Variants in EPS8 observed in about 807,000 individuals in gnomAD.
The protein encoded by EPS8 is EGFR pathway substrate 8, signaling adaptor.
Under a neutral mutation model 103.8 loss-of-function variants are expected in EPS8, and 42 were observed. That is an observed-to-expected ratio of 0.40 (90% CI 0.32 to 0.52). The LOEUF (loss-of-function observed/expected upper bound fraction) is 0.52. EPS8 is among the 20% of genes least tolerant of loss of function. The pLI, the probability that EPS8 is intolerant of heterozygous loss-of-function variation, is 0.40. For missense variants in EPS8, 969 were observed against 1,005.1 expected, an observed-to-expected ratio of 0.96 and a Z score of 0.49; for synonymous variants, 344 against 344.6, an observed-to-expected ratio of 1.00 and a Z score of 0.02.
chr12:15,624,500 T>C (rs1944913159), intron 18 of EPS8, 93 bp from the exon 19 acceptor site: 2 of 912,516 alleles, frequency 2.2e-6, no homozygotes, highest in African/African-American at 3.4e-5. Flanking sequence ...TTGACCCCAG[T>C]AGGACCTACA....
rs62928661 is a variant in EPS8, at chr12:15,698,557, TAAA to T, written c.-21-15588_-21-15586del. Among the ~76,000 whole-genome samples, 2 of 147,602 alleles carry T rather than the reference TAAA, an allele frequency of 1.4e-5. No homozygotes were observed. The highest frequency in any genetic ancestry group is 1.5e-5 in the Non-Finnish European group (1 of 66,868). On this transcript the variant is annotated intron_variant, in intron 1 of 20. Coordinates refer to ENST00000281172, the MANE Select transcript of EPS8 (RefSeq NM_004447.6). This position sits in a 1 kb window ranked among gnomAD's most constrained non-coding sequence, Gnocchi z 4.9. ...TGGAAAAATAAATCTTCATCCTCTT[TAAA>T]AAAAAAAAAAAAATTTAGCTGCTAA...
chr12:15,656,275 T>A (rs1036743952), intron 12 of EPS8, among the ~76,000 whole-genome samples: 1 of 152,216 alleles, frequency 6.6e-6, no homozygotes, highest in Non-Finnish European at 1.5e-5. Context: ...TGAACTAGTA[T>A]CAGTTTCTTT....
At chr12:15,783,370 A>G (rs1185987283) in intron 1 of EPS8, among the ~76,000 whole-genome samples, 1 of 152,230 alleles carries the variant, frequency 6.6e-6, no homozygotes, top group Admixed American at 6.5e-5. Context: ...AAGGGTTACT[A>G]GTTAAGTTTT....
chr12:15,673,795 A>T (rs978246856), intron 3 of EPS8, among the ~76,000 whole-genome samples: 3 of 152,182 alleles, frequency 2.0e-5, no homozygotes, highest in African/African-American at 7.2e-5. Flanking sequence ...CAAGCTGCTC[A>T]ACTCCTAACA....
chr12:15,641,532 T>C (rs1945229642), intron 16 of EPS8, among the ~76,000 whole-genome samples, 190 bp downstream of exon 16: 1 of 151,712 alleles, frequency 6.6e-6, no homozygotes, highest in Admixed American at 6.6e-5. Flanking sequence ...AAAAAACAAA[T>C]AAAGGAGTAT....
intron 12 of EPS8, 93 bp downstream of exon 12, chr12:15,657,984 GGT>G (rs1420054431): frequency 4.1e-6 from 3 of 738,152 alleles, no homozygotes; most frequent in African/African-American, 1.8e-5. Context: ...ACCCACGCAA[GGT>G]AATGAAGAAA....
intron 1 of EPS8, among the ~76,000 whole-genome samples, chr12:15,685,434 T>C (rs570798311): frequency 6.6e-6 from 1 of 152,222 alleles, no homozygotes; most frequent in South Asian, 2.1e-4. Context: ...GGGTTTGTGC[T>C]GATTTTGATC....
At position 15,728,185 on chromosome 12, in the gene EPS8, T is replaced by C. The variant is rs565986924; in HGVS notation, c.-21-45213A>G. ...CCAAAAGCGTAGTCGACTGGTATTA[T>C]AGAAAGAAAACACAAGTGACCTAAT... is the stretch of plus-strand genomic sequence containing the variant. On this transcript the variant is annotated intron_variant, in intron 1 of 20. Coordinates refer to ENST00000281172, the MANE Select transcript of EPS8 (RefSeq NM_004447.6). The surrounding 1 kb of genome is among the most constrained non-coding windows in gnomAD (Gnocchi z 4.5). 1.3e-5 allele frequency: 2 copies of C among 152,336 alleles called. No homozygotes were observed. Among genetic ancestry groups the C allele is most frequent in the Non-Finnish European group, 2.9e-5 (2 of 68,034 alleles). The allele number at this position is 152,336 out of a possible 1,614,324, so 9.4% of individuals were successfully genotyped here.
At chr12:15,635,846 C>T (rs1055451412) in intron 17 of EPS8, among the ~76,000 whole-genome samples, 1 of 152,000 alleles carries the variant, frequency 6.6e-6, no homozygotes, top group Non-Finnish European at 1.5e-5. Flanking sequence ...GTATCTCTTG[C>T]TAGACAATAA....
intron 19 of EPS8, among the ~76,000 whole-genome samples, chr12:15,623,897 C>T (rs1944900985): frequency 6.6e-6 from 1 of 152,142 alleles, no homozygotes. Context: ...GGAAGTTCAG[C>T]TAAGACCATG....
chr12:15,625,857 T>A (rs898351455), intron 18 of EPS8, among the ~76,000 whole-genome samples: 3 of 152,204 alleles, frequency 2.0e-5, no homozygotes, highest in African/African-American at 7.2e-5. Context: ...CTTAGGTTCA[T>A]GGCCATTTAA....
rs1321936426 is a variant in EPS8, at chr12:15,731,935, T to A, written c.-21-48963A>T. Among the ~76,000 whole-genome samples, 1 of 152,134 alleles carries A rather than the reference T, an allele frequency of 6.6e-6. No individual in the cohort carries two copies. The highest frequency in any genetic ancestry group is 1.5e-5 in the Non-Finnish European group (1 of 68,020). On this transcript the variant is annotated intron_variant, in intron 1 of 20. Coordinates refer to ENST00000281172, the MANE Select transcript of EPS8 (RefSeq NM_004447.6). This position sits in a 1 kb window ranked among gnomAD's most constrained non-coding sequence, Gnocchi z 5.1. ...TGTTCCTTAAAATCTGATTTCAGGA[T>A]GGAATTTTTTCATTTTATCCATAAA...
intron 1 of EPS8, among the ~76,000 whole-genome samples, chr12:15,774,448 A>T (rs553849337): frequency 1.3e-5 from 2 of 151,498 alleles, no homozygotes; most frequent in African/African-American, 4.8e-5. Context: ...TGCCACAGGG[A>T]CGCCAACCAT....
Position 15,770,845 on chromosome 12 carries a change from C to T in EPS8, c.-22+18316G>A, listed in dbSNP as rs549959941. Among the ~76,000 whole-genome samples the T allele has an allele frequency of 1.3e-5, 2 of 152,218 alleles. 1 individual carries two copies. Among genetic ancestry groups the T allele is most frequent in the African/African-American group, 4.8e-5 (2 of 41,538 alleles). ...TTTCATATTGAGAGTTGGGATGTTACTGGCACAAATCTCATGATGAAAGAT... is the reference window on the plus strand; with the variant it reads ...TTTCATATTGAGAGTTGGGATGTTATTGGCACAAATCTCATGATGAAAGAT... On this transcript the variant is annotated intron_variant, in intron 1 of 20. Coordinates refer to ENST00000281172, the MANE Select transcript of EPS8 (RefSeq NM_004447.6).
chr12:15,741,279 T>A (rs1946819012), intron 1 of EPS8, among the ~76,000 whole-genome samples: 1 of 152,186 alleles, frequency 6.6e-6, no homozygotes, highest in Admixed American at 6.5e-5. Flanking sequence ...TGTGCAGTCC[T>A]GCCTCCAGCC....
chr12:15,697,030 G>GT lies in EPS8; in HGVS notation c.-21-14059dup, dbSNP rs1224987083. Among the ~76,000 whole-genome samples, 2 of 152,124 alleles carry GT rather than the reference G, an allele frequency of 1.3e-5. No homozygotes were observed. The highest frequency in any genetic ancestry group is 1.9e-4 in the East Asian group (1 of 5,202). ...GAGGAGATTTGAAGAGGGAATTATC[G>GT]TAAGGCCAGCATTTGCATTTCTTTC... On this transcript the variant is annotated intron_variant, in intron 1 of 20. Coordinates refer to ENST00000281172, the MANE Select transcript of EPS8 (RefSeq NM_004447.6). The surrounding 1 kb of genome is among the most constrained non-coding windows in gnomAD (Gnocchi z 5.6).
chr12:15,644,051 T>A (rs1945278562), intron 15 of EPS8, among the ~76,000 whole-genome samples: 1 of 152,238 alleles, frequency 6.6e-6, no homozygotes, highest in African/African-American at 2.4e-5. Context: ...AAACCCTCTA[T>A]ACTTCCATAC....
At position 15,749,368 on chromosome 12, in the gene EPS8, A is replaced by G. The variant is rs963326003; in HGVS notation, c.-22+39793T>C. 6.6e-6 allele frequency among the ~76,000 whole-genome samples: 1 copy of G among 152,204 alleles called. No homozygotes were observed. Among genetic ancestry groups the G allele is most frequent in the Non-Finnish European group, 1.5e-5 (1 of 68,038 alleles). On this transcript the variant is annotated intron_variant, in intron 1 of 20. Transcript: ENST00000281172. The surrounding 1 kb of genome is among the most constrained non-coding windows in gnomAD (Gnocchi z 4.0). ...TTGTCTATCACTTACCCTGCACAGT[A>G]TACTCAAGAGCAGGAATGTCTTGTT...
At chr12:15,631,303 G>T in intron 18 of EPS8, 139 bp downstream of exon 18, 1 of 1,212,078 alleles carries the variant, frequency 8.3e-7, no homozygotes, top group Non-Finnish European at 1.1e-6. Context: ...TGAGAAACCA[G>T]GTGAAAATCT....
Sources: allele counts gnomAD v4.1 joint callset (sites outside exome capture counted in the v4.1 genomes callset), GRCh38; gene constraint gnomAD v4.1.1; non-coding constraint Gnocchi (gnomAD v3.1); transcripts MANE v1.5; gene names NCBI Gene and HGNC (gene_info 2026-07-23, HGNC 2026-07-21).